Variants in NTM observed in about 807,000 individuals in gnomAD.
NTM encodes the protein neurotrimin.
NTM carries 13 observed loss-of-function variants against 42.1 expected under a neutral mutation model. The observed-to-expected ratio is 0.31, with a 90% CI of 0.20 to 0.49. The LOEUF is 0.49. Ranked by LOEUF, NTM falls within the 20% of genes least tolerant of loss-of-function variation. The pLI is 0.99. For synonymous variants in NTM, 187 were observed against 179.2 expected (o/e 1.04, Z -0.35); for missense variants, 373 against 452.8 (o/e 0.82, Z 1.60).
At chr11:131,969,699 C>G (rs1168639206) in intron 2 of NTM, among the ~76,000 whole-genome samples, 1 of 152,244 alleles carries the variant, frequency 6.6e-6, no homozygotes, top group African/African-American at 2.4e-5. Flanking sequence ...ATTTTGAGTA[C>G]TGCACAGAAT....
chr11:132,026,915 T>C (rs1319295622), intron 2 of NTM, among the ~76,000 whole-genome samples: 2 of 152,230 alleles, frequency 1.3e-5, no homozygotes, highest in Non-Finnish European at 2.9e-5. Flanking sequence ...TCTATCCTCA[T>C]GTTCCTTCTG....
rs969519723 is a variant in NTM at position 131,682,960 on chromosome 11, G to C, written c.83-228604G>C. On this transcript the variant is annotated intron_variant, in intron 1 of 8. Transcript: ENST00000683400. ...GAGCTGGAAAAGGCAGGTAGATGTC[G>C]TACACATCCCAACACCAGCTCCCCA... Among the ~76,000 whole-genome samples the C allele has an allele frequency of 1.3e-5, 2 of 152,080 alleles. 1 individual carries two copies. The highest frequency in any genetic ancestry group is 3.9e-4 in the East Asian group (2 of 5,180).
chr11:132,082,693 A>T (rs1224408743), intron 2 of NTM, among the ~76,000 whole-genome samples: 1 of 152,188 alleles, frequency 6.6e-6, no homozygotes, highest in Admixed American at 6.5e-5. Context: ...AAGGACAAGG[A>T]TGAAGACTGA....
At chr11:132,217,561 C>A (rs546969822) in intron 4 of NTM, among the ~76,000 whole-genome samples, 2 of 152,050 alleles carry the variant, frequency 1.3e-5, no homozygotes, top group African/African-American at 4.8e-5. Flanking sequence ...TAGAGCAGAG[C>A]CTTCTGTCTG....
intron 1 of NTM, among the ~76,000 whole-genome samples, chr11:131,481,992 C>T (rs1255572773): frequency 6.6e-6 from 1 of 152,038 alleles, no homozygotes; most frequent in Non-Finnish European, 1.5e-5. Context: ...ATAGATGCCG[C>T]TAACATTTCT....
intron 2 of NTM, among the ~76,000 whole-genome samples, chr11:131,987,677 C>T (rs557150984): frequency 6.6e-6 from 1 of 152,242 alleles, no homozygotes; most frequent in Admixed American, 6.5e-5. Flanking sequence ...CTTAATAAAA[C>T]TTTCATCATT....
chr11:131,906,072 C>T (rs1002489203), intron 1 of NTM, among the ~76,000 whole-genome samples: 2 of 152,158 alleles, frequency 1.3e-5, no homozygotes, highest in African/African-American at 2.4e-5. Flanking sequence ...CTAGACGACA[C>T]GCAACTCAAG....
chr11:131,638,498 G>A lies in NTM; in HGVS notation c.82+267610G>A, dbSNP rs186677309. Among the ~76,000 whole-genome samples the A allele has an allele frequency of 2.8e-4, 43 of 151,032 alleles. 1 individual carries two copies. The highest frequency in any genetic ancestry group is 2.5e-3 in the South Asian group (12 of 4,762). On this transcript the variant is annotated intron_variant, in intron 1 of 8. Coordinates refer to ENST00000683400, the MANE Select transcript of NTM (RefSeq NM_001352005.2). ...GCAGAATCGCCTGAACCCAGGAGGC[G>A]GAGGTTGTGGTGAGCTGAGATTGCA...
At chr11:132,170,335 G>T (rs982759849) in intron 3 of NTM, among the ~76,000 whole-genome samples, 1 of 152,092 alleles carries the variant, frequency 6.6e-6, no homozygotes, top group African/African-American at 2.4e-5. Flanking sequence ...CTCTACAATA[G>T]GTATACAGCT....
intron 2 of NTM, among the ~76,000 whole-genome samples, chr11:132,144,134 C>T (rs535200296): frequency 1.1e-4 from 17 of 152,316 alleles, no homozygotes; most frequent in African/African-American, 4.1e-4. Flanking sequence ...GCCAGCCACA[C>T]TTTTGTGTAG....
chr11:131,541,802 C>T (rs1163721518), intron 1 of NTM, among the ~76,000 whole-genome samples: 1 of 152,202 alleles, frequency 6.6e-6, no homozygotes, highest in Non-Finnish European at 1.5e-5. Flanking sequence ...ATATTTAAGA[C>T]TTTGTGTTGT....
Position 132,307,867 on chromosome 11 carries a change from G to A in NTM, c.661+44G>A, listed in dbSNP as rs760867741. The A allele has an allele frequency of 5.6e-6, 9 of 1,596,314 alleles. No homozygotes were observed. The South Asian group carries it at 1.0e-4, about 18-fold the overall frequency. On this transcript the variant is annotated intron_variant, in intron 5 of 8. Coordinates refer to ENST00000683400, the MANE Select transcript of NTM (RefSeq NM_001352005.2). ...ACGCGCCCTGCACGTGCATCAGGCT[G>A]GCCTGTTGTCACAGCCACCACCCAG...
At chr11:131,634,641 G>GAA (rs68051318) in intron 1 of NTM, among the ~76,000 whole-genome samples, 72,064 of 147,504 alleles carry the variant, frequency 0.49, 19,381 homozygotes, top group East Asian at 0.68. Flanking sequence ...CAACCCACTA[G>GAA]AAAAAAGAAA....
At chr11:131,544,379 C>T (rs79328227) in intron 1 of NTM, among the ~76,000 whole-genome samples, 3,699 of 152,254 alleles carry the variant, frequency 0.024, 154 homozygotes, top group African/African-American at 0.084. Context: ...TCTCATCTCC[C>T]CTACCTCCTC....
chr11:132,009,552 G>T (rs2071612575), intron 2 of NTM, among the ~76,000 whole-genome samples: 1 of 152,214 alleles, frequency 6.6e-6, no homozygotes, highest in Non-Finnish European at 1.5e-5. Context: ...CAGCTCTGAG[G>T]CTTTCTGACA....
intron 1 of NTM, among the ~76,000 whole-genome samples, chr11:131,621,095 T>G (rs1163153143): frequency 6.6e-6 from 1 of 152,228 alleles, no homozygotes; most frequent in Non-Finnish European, 1.5e-5. Flanking sequence ...AATTCAGGGT[T>G]AATTGAGCTC....
chr11:131,817,595 T>A (rs1410594562), intron 1 of NTM, among the ~76,000 whole-genome samples: 1 of 152,226 alleles, frequency 6.6e-6, no homozygotes, highest in Non-Finnish European at 1.5e-5. Context: ...AGAGCCCACC[T>A]GAACATTCAA....
intron 1 of NTM, among the ~76,000 whole-genome samples, chr11:131,829,153 C>T (rs915966481): frequency 6.8e-6 from 1 of 146,956 alleles, no homozygotes; most frequent in Non-Finnish European, 1.5e-5. Flanking sequence ...TCAGAGAAAA[C>T]ATTTTTTCTG....
chr11:132,333,815 C>T (rs893018392), intron 8 of NTM, among the ~76,000 whole-genome samples: 4 of 152,174 alleles, frequency 2.6e-5, no homozygotes, highest in Non-Finnish European at 5.9e-5. Flanking sequence ...CCCAAAAGGC[C>T]AAGACATAAA....
Sources: allele counts gnomAD v4.1 joint callset (sites outside exome capture counted in the v4.1 genomes callset), GRCh38; gene constraint gnomAD v4.1.1; transcripts MANE v1.5; gene names NCBI Gene and HGNC (gene_info 2026-07-23, HGNC 2026-07-21).